The following GOLGA8A variants were observed in gnomAD, a reference collection of about 807,000 sequenced individuals.
GOLGA8A encodes the protein golgin subfamily A member 8A.
GOLGA8A carries 3 observed loss-of-function variants against 22.1 expected under a neutral mutation model. The observed-to-expected ratio is 0.14, with a 90% CI of 0.06 to 0.35. GOLGA8A has a LOEUF of 0.35. Among genes scored for constraint, GOLGA8A ranks in the 10% least tolerant of loss-of-function variants. The probability of loss-of-function intolerance (pLI) is 1.00; values close to 1 mark genes in which losing one functional copy is unlikely to be tolerated. For missense variants in GOLGA8A, 16 were observed against 233.2 expected, an observed-to-expected ratio of 0.07 and a Z score of 6.07; for synonymous variants, 7 against 91.7, an observed-to-expected ratio of 0.08 and a Z score of 5.28.
intron 2 of GOLGA8A, among the ~76,000 whole-genome samples, chr15:34,430,455 C>T (rs1274821605): frequency 6.7e-6 from 1 of 149,062 alleles, no homozygotes; most frequent in Non-Finnish European, 1.5e-5. Flanking sequence ...AATGCCATTC[C>T]CGAGACAATC....
At chr15:34,405,805 C>T (rs139009505) in intron 4 of GOLGA8A, among the ~76,000 whole-genome samples, 15,539 of 131,806 alleles carry the variant, frequency 0.12, 1,090 homozygotes, top group Non-Finnish European at 0.15. Context: ...CATAATGGGA[C>T]GCCAATCAAT....
chr15:34,431,793 A>G (rs1893265527), intron 2 of GOLGA8A, among the ~76,000 whole-genome samples: 1 of 148,266 alleles, frequency 6.7e-6, no homozygotes, highest in Non-Finnish European at 1.5e-5. Flanking sequence ...TATTTTTTAA[A>G]TATTTTATAT....
At chr15:34,429,046 C>T (rs1258414653) in intron 2 of GOLGA8A, 1 of 147,314 alleles carries the variant, frequency 6.8e-6, no homozygotes, top group Admixed American at 6.8e-5. Context: ...CGGCCAGACA[C>T]CTGCCCCCGC....
At chr15:34,417,510 A>C (rs1892622756) in intron 2 of GOLGA8A, 1 of 132,348 alleles carries the variant, frequency 7.6e-6, no homozygotes, top group Non-Finnish European at 1.6e-5. Context: ...AAGCATAAAG[A>C]GCTACTTTGT....
rs1891389567 is a variant in GOLGA8A at position 34,379,822 on chromosome 15, GT to G, written c.*1588del. On this transcript the variant is annotated 3_prime_UTR_variant, in exon 25 of 25. Coordinates refer to ENST00000359187, the MANE Select transcript of GOLGA8A (RefSeq NM_181077.5). ...ATCATCAAGTTATGATTTAGGCAAT[GT>G]ATGATTGAAATGCATTCATTCATCA... 1 of 152,660 alleles carries G rather than the reference GT, an allele frequency of 6.6e-6. No homozygotes were observed. The highest frequency in any genetic ancestry group is 6.5e-5 in the Admixed American group (1 of 15,290). The allele number at this position is 152,660 out of a possible 1,614,324, so 9.5% of individuals were successfully genotyped here. A position where few individuals can be genotyped will look rare whatever the true frequency, so the allele number is the denominator to read the frequency against.
rs79146439 is a variant in GOLGA8A at position 34,434,144 on chromosome 15, G to A, written c.-1123+1239C>T. ...ACAACCCAGGGCAGATCTGGGCAATGAGCCTGTCTGCCTGGAGCCAGGAGA... is the reference window on the plus strand; with the variant it reads ...ACAACCCAGGGCAGATCTGGGCAATAAGCCTGTCTGCCTGGAGCCAGGAGA... On this transcript the variant is annotated intron_variant, in intron 2 of 24. Coordinates refer to ENST00000359187, the MANE Select transcript of GOLGA8A (RefSeq NM_181077.5). 1.7e-4 allele frequency among the ~76,000 whole-genome samples: 26 copies of A among 149,614 alleles called. 1 individual carries two copies. The highest frequency in any genetic ancestry group is 6.4e-4 in the African/African-American group (26 of 40,562).
chr15:34,428,389 C>T lies in GOLGA8A; in HGVS notation c.-1123+6994G>A, dbSNP rs1005707797. On this transcript the variant is annotated intron_variant, in intron 2 of 24. Coordinates refer to ENST00000359187, the MANE Select transcript of GOLGA8A (RefSeq NM_181077.5). ...GGATTACAGCATGAACCACCGTGCC[C>T]AGCCTTCAAATCACATTTCTAAGGA... is the stretch of plus-strand genomic sequence containing the variant. 3.0e-4 allele frequency among the ~76,000 whole-genome samples: 44 copies of T among 148,544 alleles called. 2 individuals are homozygous for T. Among genetic ancestry groups the T allele is most frequent in the African/African-American group, 1.1e-3 (43 of 40,208 alleles).
intron 2 of GOLGA8A, among the ~76,000 whole-genome samples, chr15:34,421,781 C>T (rs1039183628): frequency 3.0e-5 from 4 of 135,410 alleles, no homozygotes; most frequent in African/African-American, 8.4e-5. Context: ...CTGGGAAGTA[C>T]ACCCTCCTCA....
rs1026914176 is a variant in GOLGA8A, at chr15:34,437,709, T to G, written c.-1523A>C. Among the ~76,000 whole-genome samples the G allele has an allele frequency of 1.5e-5, 2 of 135,756 alleles. No individual in the cohort carries two copies. Among genetic ancestry groups the G allele is most frequent in the African/African-American group, 5.3e-5 (2 of 37,684 alleles). The allele number at this position is 135,756 out of a possible 152,430, so 89.1% of individuals were successfully genotyped here. On this transcript the variant is annotated 5_prime_UTR_variant, in exon 1 of 25. Coordinates refer to ENST00000359187, the MANE Select transcript of GOLGA8A (RefSeq NM_181077.5). ...CGCCGTCCTCGCCGCGCCGCCGTCC[T>G]CGCCGCGCCGCTGCCGGGTCTCTCC...
intron 2 of GOLGA8A, among the ~76,000 whole-genome samples, chr15:34,424,386 A>T (rs921223960): frequency 7.2e-6 from 1 of 138,402 alleles, no homozygotes; most frequent in Non-Finnish European, 1.6e-5. Flanking sequence ...AAAAGGCATA[A>T]ATAACAAAAA....
At chr15:34,427,812 C>G (rs1304873642) in intron 2 of GOLGA8A, among the ~76,000 whole-genome samples, 1 of 148,076 alleles carries the variant, frequency 6.8e-6, no homozygotes, top group Non-Finnish European at 1.5e-5. Flanking sequence ...CCCAGCCCAT[C>G]AGGTCACCGG....
At chr15:34,431,327 A>G (rs1221187356) in intron 2 of GOLGA8A, among the ~76,000 whole-genome samples, 1 of 32,898 alleles carries the variant, frequency 3.0e-5, no homozygotes, top group South Asian at 1.7e-3. Context: ...ATATATATAT[A>G]TATATATATA....
intron 2 of GOLGA8A, chr15:34,418,086 A>C (rs1369842030): frequency 8.3e-6 from 1 of 120,138 alleles, no homozygotes; most frequent in Non-Finnish European, 1.7e-5. Context: ...GTTGGTCTCC[A>C]GATTTCCCAC....
In GOLGA8A at chr15:34,431,102, T is replaced by C. The variant is rs542173982; in HGVS notation, c.-1123+4281A>G. 4.4e-4 allele frequency among the ~76,000 whole-genome samples: 65 copies of C among 148,718 alleles called. 6 individuals are homozygous for C. Among genetic ancestry groups the C allele is most frequent in the Non-Finnish European group, 6.0e-5 (4 of 67,068 alleles). On this transcript the variant is annotated intron_variant, in intron 2 of 24. Transcript: ENST00000359187. ...TAAATGCATGCGGTTACTCAACTAG[T>C]GGCTTTACTATTTTTGAAACAATGG...
intron 2 of GOLGA8A, among the ~76,000 whole-genome samples, chr15:34,430,298 C>G (rs1723012538): frequency 6.7e-6 from 1 of 149,116 alleles, no homozygotes; most frequent in Non-Finnish European, 1.5e-5. Flanking sequence ...ATCCCACCTG[C>G]AAAACGATGA....
chr15:34,431,345 A>ATCTCTCTCTC (rs1232402619), intron 2 of GOLGA8A, among the ~76,000 whole-genome samples: 7 of 130,524 alleles, frequency 5.4e-5, no homozygotes, highest in African/African-American at 2.2e-4. Flanking sequence ...ATATATATAT[A>ATCTCTCTCTC]TCTCACACAC....
At chr15:34,428,831 G>A (rs1359924493) in intron 2 of GOLGA8A, 1 of 143,582 alleles carries the variant, frequency 7.0e-6, no homozygotes, top group East Asian at 2.0e-4. Flanking sequence ...ACCCTGCAGC[G>A]CTGCTGTTCC....
chr15:34,428,787 C>T (rs1214217771), intron 2 of GOLGA8A: 1 of 147,350 alleles, frequency 6.8e-6, no homozygotes, highest in East Asian at 2.0e-4. Context: ...TCTCCCCAGA[C>T]CCCACCCTGC....
At chr15:34,419,032 G>C (rs1297901026) in intron 2 of GOLGA8A, 1 of 140,608 alleles carries the variant, frequency 7.1e-6, no homozygotes, top group Non-Finnish European at 1.5e-5. Flanking sequence ...AGCCTCCCTA[G>C]TAGCAGGGAT....
Sources: allele counts gnomAD v4.1 joint callset (sites outside exome capture counted in the v4.1 genomes callset), GRCh38; gene constraint gnomAD v4.1.1; transcripts MANE v1.5; gene names NCBI Gene and HGNC (gene_info 2026-07-23, HGNC 2026-07-21).